SORCS2: variants seen among roughly 807,000 people sequenced by gnomAD.
SORCS2 encodes VPS10 domain-containing receptor SorCS2.
SORCS2 carries 100 observed loss-of-function variants against 141.6 expected under a neutral mutation model. That is an observed-to-expected ratio of 0.71 (90% confidence interval 0.60 to 0.83). The LOEUF is 0.83. SORCS2 is among the 40% of genes least tolerant of loss of function. The pLI, the probability that SORCS2 is intolerant of heterozygous loss-of-function variation, is 0.00. For synonymous variants in SORCS2, 789 were observed against 676.9 expected, an observed-to-expected ratio of 1.17 and a Z score of -2.57; for missense variants, 1,646 against 1,560.2, an observed-to-expected ratio of 1.05 and a Z score of -0.93.
chr4:7,462,090 C>T (rs1310245679), intron 2 of SORCS2, among the ~76,000 whole-genome samples: 1 of 152,206 alleles, frequency 6.6e-6, no homozygotes, highest in African/African-American at 2.4e-5. Flanking sequence ...GAGAGGATGC[C>T]CAGAGAGCCA....
intron 21 of SORCS2, among the ~76,000 whole-genome samples, chr4:7,727,213 C>T (rs557957407): frequency 6.6e-6 from 1 of 150,648 alleles, no homozygotes; most frequent in Non-Finnish European, 1.5e-5. Flanking sequence ...GGTTTGGGCA[C>T]TGGCTGTGCC....
intron 1 of SORCS2, among the ~76,000 whole-genome samples, chr4:7,323,391 C>T (rs1043488902): frequency 2.6e-5 from 4 of 152,192 alleles, no homozygotes; most frequent in South Asian, 2.1e-4. Flanking sequence ...ATACAGCCCA[C>T]GGGCCTCCTT....
chr4:7,473,368 T>C (rs28393125), intron 2 of SORCS2, among the ~76,000 whole-genome samples: 21,261 of 151,886 alleles, frequency 0.14, 2,058 homozygotes, highest in African/African-American at 0.25. Flanking sequence ...GGGACCCTGG[T>C]AATGTGGGAT....
Position 7,390,078 on chromosome 4 carries a change from C to T in SORCS2, c.481-6210C>T, listed in dbSNP as rs566311855. On this transcript the variant is annotated intron_variant, in intron 1 of 26. Transcript: ENST00000507866. ...GTCCCCACTGTGAGGGGGAGGCCCA[C>T]GGCTGTGCAGCTTAGCCAGGGAGAC... 5.3e-5 allele frequency among the ~76,000 whole-genome samples: 8 copies of T among 152,256 alleles called. No individual in the cohort carries two copies. In the South Asian group the frequency reaches 6.2e-4, roughly 12 times the overall value.
At chr4:7,386,204 TGCACACAC>T (rs149054466) in intron 1 of SORCS2, among the ~76,000 whole-genome samples, 5,185 of 113,638 alleles carry the variant, frequency 0.046, 293 homozygotes, top group African/African-American at 0.078. Context: ...CATACACATT[TGCACACAC>T]GCACACACAT....
chr4:7,572,171 T>C (rs1715448049), intron 3 of SORCS2, among the ~76,000 whole-genome samples: 1 of 152,140 alleles, frequency 6.6e-6, no homozygotes, highest in Non-Finnish European at 1.5e-5. Context: ...GGGCCAAATA[T>C]ACAAGGTGCA....
At chr4:7,570,180 A>G (rs1715291100) in intron 3 of SORCS2, among the ~76,000 whole-genome samples, 1 of 151,946 alleles carries the variant, frequency 6.6e-6, no homozygotes, top group South Asian at 2.1e-4. Context: ...TGCGGAGGGG[A>G]GGGTAGTGAG....
intron 2 of SORCS2, among the ~76,000 whole-genome samples, chr4:7,448,015 A>G (rs1308213839): frequency 6.6e-6 from 1 of 152,126 alleles, no homozygotes. Context: ...TTGAATGTGT[A>G]TGAGCGGCTC....
intron 14 of SORCS2, among the ~76,000 whole-genome samples, chr4:7,709,316 G>A (rs1003870254): frequency 1.3e-5 from 2 of 152,162 alleles, no homozygotes; most frequent in Admixed American, 6.5e-5. Flanking sequence ...AGCCGTGAAT[G>A]AGCCTGTCTC....
chr4:7,610,845 C>A (rs970931318), intron 3 of SORCS2, among the ~76,000 whole-genome samples: 1 of 152,096 alleles, frequency 6.6e-6, no homozygotes, highest in African/African-American at 2.4e-5. Context: ...ATCCTGTGGA[C>A]GGGGATGGGG....
intron 14 of SORCS2, among the ~76,000 whole-genome samples, chr4:7,710,315 C>G (rs1725742774): frequency 6.6e-6 from 1 of 152,146 alleles, no homozygotes; most frequent in Non-Finnish European, 1.5e-5. Flanking sequence ...TTGCCTCAGC[C>G]TCAGTTTCCT....
chr4:7,501,640 G>A (rs529058420), intron 2 of SORCS2, among the ~76,000 whole-genome samples: 4 of 152,342 alleles, frequency 2.6e-5, no homozygotes, highest in Non-Finnish European at 5.9e-5. Flanking sequence ...AAGGCAGGAC[G>A]TTCAAGATGC....
chr4:7,465,055 C>A (rs192474243), intron 2 of SORCS2, among the ~76,000 whole-genome samples: 1 of 152,236 alleles, frequency 6.6e-6, no homozygotes, highest in Admixed American at 6.5e-5. Flanking sequence ...ACAAAGCACC[C>A]CCCTTGCAGG....
intron 1 of SORCS2, among the ~76,000 whole-genome samples, chr4:7,322,757 T>C (rs2108947687): frequency 6.6e-6 from 1 of 152,282 alleles, no homozygotes; most frequent in South Asian, 2.1e-4. Flanking sequence ...GTGCTTTGGA[T>C]TCAAATGGGG....
chr4:7,383,065 C>T lies in SORCS2; in HGVS notation c.481-13223C>T, dbSNP rs79070952. On this transcript the variant is annotated intron_variant, in intron 1 of 26. Coordinates refer to ENST00000507866, the MANE Select transcript of SORCS2 (RefSeq NM_020777.3). ...AAAGGCCATGAAGACTCCAGCGCTT[C>T]GATCCCACGGAGTCCTCATGCCCCG... is the stretch of plus-strand genomic sequence containing the variant. 9.5e-3 allele frequency among the ~76,000 whole-genome samples: 1,441 copies of T among 152,242 alleles called. 5 individuals carry two copies. Among genetic ancestry groups the T allele is most frequent in the South Asian group, 0.02 (96 of 4,816 alleles).
chr4:7,649,936 G>T (rs1207927946), intron 4 of SORCS2, among the ~76,000 whole-genome samples: 3 of 152,188 alleles, frequency 2.0e-5, no homozygotes, highest in Non-Finnish European at 4.4e-5. Context: ...GAAGTCAGTT[G>T]TGGCGGCCCT....
At chr4:7,349,993 C>T (rs976217261) in intron 1 of SORCS2, among the ~76,000 whole-genome samples, 1 of 152,174 alleles carries the variant, frequency 6.6e-6, no homozygotes, top group South Asian at 2.1e-4. Context: ...TTCTGTTTTA[C>T]CCCTGGCCCC....
intron 1 of SORCS2, among the ~76,000 whole-genome samples, chr4:7,381,548 T>C (rs1722996171): frequency 6.6e-6 from 1 of 152,168 alleles, no homozygotes. Flanking sequence ...CCCGTGAGTG[T>C]GGTGTCCCTG....
At chr4:7,542,230 C>T (rs533349863) in intron 3 of SORCS2, among the ~76,000 whole-genome samples, 1 of 152,320 alleles carries the variant, frequency 6.6e-6, no homozygotes, top group African/African-American at 2.4e-5. Context: ...TTAAGACAGC[C>T]CTGCTCCTGG....
Sources: allele counts gnomAD v4.1 joint callset (sites outside exome capture counted in the v4.1 genomes callset), GRCh38; gene constraint gnomAD v4.1.1; transcripts MANE v1.5; gene names NCBI Gene and HGNC (gene_info 2026-07-23, HGNC 2026-07-21).